MAP4K3: variants seen among roughly 807,000 people sequenced by gnomAD.
MAP4K3 encodes the protein mitogen-activated protein kinase kinase kinase kinase 3.
Under a neutral mutation model 143.5 loss-of-function variants are expected in MAP4K3, and 94 were observed. The ratio of observed to expected loss-of-function variants is 0.65; its 90% confidence interval spans 0.55 to 0.78. The LOEUF (loss-of-function observed/expected upper bound fraction) is 0.78, where lower values mean the gene tolerates loss of function less well. MAP4K3 is among the 30% of genes least tolerant of loss of function. The pLI is 0.00. For synonymous variants in MAP4K3, 416 were observed against 347.2 expected (o/e 1.20, Z -2.20); for missense variants, 1,077 against 1,068.1 (o/e 1.01, Z -0.12).
In MAP4K3 at chr2:39,314,231, T is replaced by C. The variant is rs928271614; in HGVS notation, c.997+1079A>G. ...CTTATGTAGAGACGGAGTTTCGCCA[T>C]GTTGGCCATGCTTGTCTTGAACTCC... On this transcript the variant is annotated intron_variant, in intron 13 of 33. Coordinates refer to ENST00000263881, the MANE Select transcript of MAP4K3 (RefSeq NM_003618.4). 3.3e-5 allele frequency among the ~76,000 whole-genome samples: 5 copies of C among 152,142 alleles called. 1 individual carries two copies. Among genetic ancestry groups the C allele is most frequent in the African/African-American group, 1.2e-4 (5 of 41,438 alleles).
intron 15 of MAP4K3, among the ~76,000 whole-genome samples, chr2:39,305,916 G>A (rs1194884849): frequency 1.3e-5 from 2 of 151,306 alleles, no homozygotes; most frequent in African/African-American, 2.4e-5. Context: ...TGCAACCTCC[G>A]CCTCCCAGGT....
intron 2 of MAP4K3, among the ~76,000 whole-genome samples, chr2:39,365,734 G>A (rs990457501): frequency 1.3e-5 from 2 of 152,082 alleles, no homozygotes; most frequent in African/African-American, 2.4e-5. Flanking sequence ...GTGAGCCACC[G>A]CGCCCGGCCC....
At chr2:39,346,370 G>A (rs1043924534) in intron 3 of MAP4K3, among the ~76,000 whole-genome samples, 1 of 152,036 alleles carries the variant, frequency 6.6e-6, no homozygotes, top group Non-Finnish European at 1.5e-5. Flanking sequence ...TTGTCTACCT[G>A]GTTCAATGAC....
chr2:39,345,880 C>G (rs1430973527), intron 3 of MAP4K3, among the ~76,000 whole-genome samples: 1 of 141,574 alleles, frequency 7.1e-6, no homozygotes, highest in Non-Finnish European at 1.5e-5. Context: ...AGAGATCGTT[C>G]CACTGCACTC....
intron 12 of MAP4K3, among the ~76,000 whole-genome samples, chr2:39,320,232 T>G (rs1683257348): frequency 6.6e-6 from 1 of 152,222 alleles, no homozygotes; most frequent in Non-Finnish European, 1.5e-5. Context: ...GTTTACACGT[T>G]GCAAGTAGCT....
intron 15 of MAP4K3, among the ~76,000 whole-genome samples, chr2:39,303,271 T>G (rs1682577673): frequency 6.6e-6 from 1 of 152,104 alleles, no homozygotes; most frequent in Admixed American, 6.5e-5. Context: ...TTTATAGAAA[T>G]AGAGAGGTGT....
chr2:39,250,713 T>C lies in MAP4K3; in HGVS notation c.2598-8A>G. ...CTTTCCAAAACCACGACCCTGAAAGTAATAAAAAACATATAACAAAACAAA... is the reference window on the plus strand; with the variant it reads ...CTTTCCAAAACCACGACCCTGAAAGCAATAAAAAACATATAACAAAACAAA... On this transcript the variant is annotated splice_polypyrimidine_tract_variant and splice_region_variant and intron_variant, in intron 33 of 33. Transcript: ENST00000263881. 1 of 1,609,998 alleles carries C rather than the reference T, an allele frequency of 6.2e-7. No individual in the cohort carries two copies. Among genetic ancestry groups the C allele is most frequent in the Non-Finnish European group, 8.5e-7 (1 of 1,177,276 alleles).
At chr2:39,257,907 T>G (rs1680410905) in intron 31 of MAP4K3, among the ~76,000 whole-genome samples, 1 of 152,132 alleles carries the variant, frequency 6.6e-6, no homozygotes, top group Non-Finnish European at 1.5e-5. Context: ...AGGCTGATAG[T>G]GACCTCATAT....
chr2:39,436,751 C>G (rs564259106), intron 1 of MAP4K3, 141 bp downstream of exon 1: 1 of 684,022 alleles, frequency 1.5e-6, no homozygotes, highest in Non-Finnish European at 2.5e-6. Context: ...GCAGCAGAGC[C>G]CTTGGCGTCC....
intron 2 of MAP4K3, among the ~76,000 whole-genome samples, chr2:39,365,637 G>A (rs1213418765): frequency 6.6e-6 from 1 of 150,792 alleles, no homozygotes; most frequent in African/African-American, 2.4e-5. Context: ...GTAGAGACGG[G>A]GTTTCACCTT....
At chr2:39,428,364 T>C (rs575516113) in intron 1 of MAP4K3, among the ~76,000 whole-genome samples, 1 of 152,300 alleles carries the variant, frequency 6.6e-6, no homozygotes, top group Admixed American at 6.5e-5. Flanking sequence ...GTAAACCAAG[T>C]TTTATAAGGT....
At chr2:39,337,753 T>G (rs1195156352) in intron 4 of MAP4K3, among the ~76,000 whole-genome samples, 172 bp from the exon 5 acceptor site, 1 of 19,136 alleles carries the variant, frequency 5.2e-5, no homozygotes, top group Non-Finnish European at 2.4e-4. Flanking sequence ...CTGGCTCCAG[T>G]TTTTTTTTTT....
chr2:39,427,695 T>C (rs1056864804), intron 1 of MAP4K3, among the ~76,000 whole-genome samples: 1 of 152,034 alleles, frequency 6.6e-6, no homozygotes, highest in Non-Finnish European at 1.5e-5. Context: ...TCTAAATCAA[T>C]AGAGATGAAA....
In MAP4K3 at chr2:39,268,634, ATTTT is replaced by A. The variant is rs70954799; in HGVS notation, c.1974-1391_1974-1388del. On this transcript the variant is annotated intron_variant, in intron 26 of 33. Coordinates refer to ENST00000263881, the MANE Select transcript of MAP4K3 (RefSeq NM_003618.4). ...CTGTGCCCGGCTAAAGATTTTTTCTATTTTTTTTTTTTTTTTTTTTTTTGAGACG... is the reference window on the plus strand; with the variant it reads ...CTGTGCCCGGCTAAAGATTTTTTCTATTTTTTTTTTTTTTTTTTTGAGACG... Among the ~76,000 whole-genome samples the A allele has an allele frequency of 4.6e-4, 34 of 73,786 alleles. No individual in the cohort carries two copies. The East Asian group carries it at 5.2e-3, about 11-fold the overall frequency. The allele number at this position is 73,786 out of a possible 152,430, so 48.4% of individuals were successfully genotyped here.
At chr2:39,392,534 T>C (rs1385626975) in intron 1 of MAP4K3, among the ~76,000 whole-genome samples, 1 of 152,208 alleles carries the variant, frequency 6.6e-6, no homozygotes, top group African/African-American at 2.4e-5. Context: ...AGCCCAAGAA[T>C]TCCTGACACT....
chr2:39,259,879 G>A (rs1401304128), intron 29 of MAP4K3, among the ~76,000 whole-genome samples: 1 of 152,138 alleles, frequency 6.6e-6, no homozygotes, highest in Non-Finnish European at 1.5e-5. Flanking sequence ...TATACACAGT[G>A]TCCTTCAAGA....
At chr2:39,365,735 C>T (rs1266538642) in intron 2 of MAP4K3, among the ~76,000 whole-genome samples, 1 of 152,090 alleles carries the variant, frequency 6.6e-6, no homozygotes, top group Non-Finnish European at 1.5e-5. Flanking sequence ...TGAGCCACCG[C>T]GCCCGGCCCA....
intron 1 of MAP4K3, among the ~76,000 whole-genome samples, chr2:39,391,639 GA>G (rs1195880239): frequency 2.6e-5 from 4 of 152,228 alleles, no homozygotes; most frequent in Non-Finnish European, 5.9e-5. Flanking sequence ...ACAGTGCCTG[GA>G]AGACAACAGG....
chr2:39,319,276 T>A (rs1481243228), intron 12 of MAP4K3, among the ~76,000 whole-genome samples: 5 of 152,020 alleles, frequency 3.3e-5, no homozygotes, highest in Admixed American at 6.6e-5. Flanking sequence ...CTTACCCCAA[T>A]TTTCTCCCTA....
Sources: gnomAD v4.1 joint callset for allele counts (sites outside exome capture counted in the v4.1 genomes callset) on GRCh38, gnomAD v4.1.1 for gene constraint, MANE v1.5 for transcripts, NCBI Gene and HGNC (gene_info 2026-07-23, HGNC 2026-07-21) for gene names.